Variants in ZNF827 observed in about 807,000 individuals in gnomAD.
ZNF827 encodes the protein zinc finger protein 827.
ZNF827 carries 13 observed loss-of-function variants against 102.4 expected under a neutral mutation model. That is an observed-to-expected ratio of 0.13 (90% confidence interval 0.08 to 0.20). The LOEUF (loss-of-function observed/expected upper bound fraction) is 0.20. ZNF827 is among the 10% of genes least tolerant of loss of function. The probability of loss-of-function intolerance (pLI) is 1.00; values close to 1 mark genes in which losing one functional copy is unlikely to be tolerated. For missense variants in ZNF827, 1,103 were observed against 1,344.4 expected (o/e 0.82, Z 2.81); for synonymous variants, 523 against 536.2 (o/e 0.98, Z 0.34).
chr4:145,823,547 G>C (rs1364864851), intron 7 of ZNF827, 22 bp from the exon 8 acceptor site: 1 of 1,548,886 alleles, frequency 6.5e-7, no homozygotes, highest in Non-Finnish European at 8.9e-7. Flanking sequence ...GAGGGGGAGT[G>C]AAGTTTAGTA....
intron 8 of ZNF827, among the ~76,000 whole-genome samples, chr4:145,794,162 C>T (rs1414884811): frequency 6.6e-6 from 1 of 152,188 alleles, no homozygotes; most frequent in Non-Finnish European, 1.5e-5. Flanking sequence ...GGCCTGTGAA[C>T]ATTTGTAACC....
At chr4:145,885,614 GA>G in intron 4 of ZNF827, 63 bp downstream of exon 4, 2 of 60,362 alleles carry the variant, frequency 3.3e-5, no homozygotes, top group Non-Finnish European at 4.6e-5. Context: ...CAGAGACAGA[GA>G]GAGAGAGAGA....
intron 11 of ZNF827, 37 bp downstream of exon 11, chr4:145,774,469 G>A: frequency 1.9e-6 from 3 of 1,589,312 alleles, no homozygotes; most frequent in African/African-American, 2.7e-5. Flanking sequence ...GCAGGGGATG[G>A]AGAAGGAGTG....
At chr4:145,798,535 G>T (rs1265350999) in intron 8 of ZNF827, among the ~76,000 whole-genome samples, 2 of 152,118 alleles carry the variant, frequency 1.3e-5, no homozygotes, top group African/African-American at 4.8e-5. Context: ...GTGTGGTGGC[G>T]TGTACCTGTA....
intron 1 of ZNF827, among the ~76,000 whole-genome samples, chr4:145,938,148 A>G (rs1422530429): frequency 3.9e-5 from 6 of 151,924 alleles, no homozygotes; most frequent in Non-Finnish European, 8.8e-5. Flanking sequence ...AAAGAAAGAA[A>G]AAGAGAGAGA....
Position 145,761,062 on chromosome 4 carries a change from G to A in ZNF827, c.*554C>T. On this transcript the variant is annotated 3_prime_UTR_variant, in exon 15 of 15. Transcript: ENST00000508784. The surrounding 1 kb of genome is among the most constrained non-coding windows in gnomAD (Gnocchi z 6.8). ...CAGGGCCACGGTCTGCAGAGCCTGG[G>A]AGGCAGACATAACTGACAGGGGAGA... 7.8e-7 allele frequency: 1 copy of A among 1,289,382 alleles called. No homozygotes were observed. Among genetic ancestry groups the A allele is most frequent in the Non-Finnish European group, 1.0e-6 (1 of 988,570 alleles). 79.9% of individuals were successfully genotyped at this position (1,289,382 alleles called of 1,614,324 possible). A position where few individuals can be genotyped will look rare whatever the true frequency, so the allele number is the denominator to read the frequency against.
At chr4:145,851,309 G>A (rs556258113) in intron 5 of ZNF827, among the ~76,000 whole-genome samples, 2 of 152,110 alleles carry the variant, frequency 1.3e-5, no homozygotes, top group Non-Finnish European at 2.9e-5. Context: ...CAGACAGACA[G>A]GCAGACAGAC....
intron 3 of ZNF827, among the ~76,000 whole-genome samples, chr4:145,886,905 C>T (rs2126826926): frequency 6.6e-6 from 1 of 152,328 alleles, no homozygotes; most frequent in South Asian, 2.1e-4. Context: ...GCACATGATA[C>T]CTGTAAAAAT....
chr4:145,833,006 A>G (rs996286390), intron 7 of ZNF827: 2 of 166,732 alleles, frequency 1.2e-5, no homozygotes, highest in Non-Finnish European at 2.5e-5. Flanking sequence ...ACGGACGTGC[A>G]TGAAATTTGG....
intron 4 of ZNF827, among the ~76,000 whole-genome samples, chr4:145,877,160 T>C (rs892018010): frequency 2.0e-5 from 3 of 152,192 alleles, no homozygotes; most frequent in Admixed American, 6.5e-5. Flanking sequence ...TAAGAACACA[T>C]AGGCTCAGAG....
At chr4:145,885,600 TAGAC>T in intron 4 of ZNF827, 74 bp downstream of exon 4, 1 of 1,449,446 alleles carries the variant, frequency 6.9e-7, no homozygotes, top group Non-Finnish European at 9.0e-7. Context: ...AGAATACTGG[TAGAC>T]AGAGACAGAG....
At position 145,902,912 on chromosome 4, in the gene ZNF827, T is replaced by C. The variant is rs149785116; in HGVS notation, c.347A>G (p.Asn116Ser). 6.1e-5 allele frequency: 99 copies of C among 1,614,048 alleles called. No homozygotes were observed. Among genetic ancestry groups the C allele is most frequent in the Non-Finnish European group, 7.8e-5 (92 of 1,180,032 alleles). Residue 116 changes from asparagine to serine, a missense_variant, in exon 2 of 15, where the codon AAC (asparagine) becomes AGC (serine). By Grantham distance (46) the Asn-to-Ser change is conservative. Transcript: ENST00000508784. The surrounding 1 kb of genome is among the most constrained non-coding windows in gnomAD (Gnocchi z 4.3). Reference protein sequence around the residue: ...SSLCDDDPGSNKPLSSNLRRL... With the variant: ...SSLCDDDPGSSKPLSSNLRRL... Reference sequence around the variant, plus strand: ...CCTCAAATTGCTGCTCAGGGGCTTGTTGGAGCCTGGGTCATCGTCACACAA... The same window carrying C: ...CCTCAAATTGCTGCTCAGGGGCTTGCTGGAGCCTGGGTCATCGTCACACAA...
intron 3 of ZNF827, among the ~76,000 whole-genome samples, chr4:145,886,385 T>A (rs967595137): frequency 6.6e-6 from 1 of 152,204 alleles, no homozygotes; most frequent in Admixed American, 6.5e-5. Context: ...CAACTGAGGA[T>A]GCAGCCGGCC....
In ZNF827 at chr4:145,762,400, A is replaced by T. The variant is rs1310077648; in HGVS notation, c.*17+690T>A. 6.6e-6 allele frequency among the ~76,000 whole-genome samples: 1 copy of T among 152,194 alleles called. No individual in the cohort carries two copies. Among genetic ancestry groups the T allele is most frequent in the Non-Finnish European group, 1.5e-5 (1 of 68,036 alleles). On this transcript the variant is annotated intron_variant, in intron 14 of 14. Coordinates refer to ENST00000508784, the MANE Select transcript of ZNF827 (RefSeq NM_001306215.2). This position sits in a 1 kb window ranked among gnomAD's most constrained non-coding sequence, Gnocchi z 4.9. ...CATTATTAATACATGATTATGCCGG[A>T]GATAGGATAATAATCCAACTGGATT...
At position 145,849,429 on chromosome 4, in the gene ZNF827, G is replaced by A; in HGVS notation, c.2114C>T (p.Thr705Ile). Reference protein sequence around the residue: ...GYSTLIGREKTEPLQKMPEGR... With the variant: ...GYSTLIGREKIEPLQKMPEGR... ...CTCTGGCATCTTCTGTAAGGGTTCGGTTTTCTCTCGCCCGATTAAAGTGCT... is the reference window on the plus strand; with the variant it reads ...CTCTGGCATCTTCTGTAAGGGTTCGATTTTCTCTCGCCCGATTAAAGTGCT... The change falls in exon 6 of 15, where the codon ACC (threonine) becomes ATC (isoleucine). Residue 705 changes from threonine (T) to isoleucine (I), a missense_variant. Around this residue, in one of 5 missense-constraint regions of ZNF827, gnomAD observed 243 missense variants for 251.6 expected, o/e 0.97. Transcript: ENST00000508784. 2 of 1,614,154 alleles carry A rather than the reference G, an allele frequency of 1.2e-6. No homozygotes were observed. Among genetic ancestry groups the A allele is most frequent in the Non-Finnish European group, 1.7e-6 (2 of 1,180,034 alleles).
intron 5 of ZNF827, among the ~76,000 whole-genome samples, chr4:145,855,273 A>G (rs1746960764): frequency 6.6e-6 from 1 of 152,250 alleles, no homozygotes; most frequent in African/African-American, 2.4e-5. Context: ...CAACTATGCC[A>G]TGCTGACACC....
At chr4:145,904,647 G>T (rs1336663221) in intron 1 of ZNF827, among the ~76,000 whole-genome samples, 2 of 152,222 alleles carry the variant, frequency 1.3e-5, no homozygotes, top group African/African-American at 4.8e-5. Flanking sequence ...GGTCAGAGCA[G>T]TGCCATAGGA....
At chr4:145,913,694 T>C (rs771980043) in intron 1 of ZNF827, among the ~76,000 whole-genome samples, 2 of 152,152 alleles carry the variant, frequency 1.3e-5, no homozygotes, top group Non-Finnish European at 2.9e-5. Context: ...AAAAGGCACA[T>C]AGAATCTGTC....
intron 5 of ZNF827, among the ~76,000 whole-genome samples, chr4:145,861,399 A>G (rs1332494394): frequency 6.6e-6 from 1 of 152,180 alleles, no homozygotes; most frequent in East Asian, 1.9e-4. Context: ...AACTTGTCCT[A>G]TGAGTGAAAA....
Sources: allele counts gnomAD v4.1 joint callset (sites outside exome capture counted in the v4.1 genomes callset), GRCh38; gene constraint gnomAD v4.1.1; regional missense constraint gnomAD v4.1.1; non-coding constraint Gnocchi (gnomAD v3.1); transcripts MANE v1.5; gene names NCBI Gene and HGNC (gene_info 2026-07-23, HGNC 2026-07-21).